The following STOX2 variants were observed in gnomAD, a reference collection of about 807,000 sequenced individuals.
STOX2 encodes the protein storkhead box 2.
A neutral mutation model predicts 60.9 loss-of-function variants in STOX2; 28 were observed. That is an observed-to-expected ratio of 0.46 (90% CI 0.34 to 0.63). STOX2 has a LOEUF of 0.63. Among genes scored for constraint, STOX2 ranks in the 30% least tolerant of loss-of-function variants. STOX2 has a pLI of 0.01. For missense variants in STOX2, 1,024 were observed against 1,187.7 expected, an observed-to-expected ratio of 0.86 and a Z score of 2.03; for synonymous variants, 472 against 463.9, an observed-to-expected ratio of 1.02 and a Z score of -0.22.
At position 183,806,901 on chromosome 4, in the gene STOX2, A is replaced by G. The variant is rs990538667; in HGVS notation, c.364+8846A>G. On this transcript the variant is annotated intron_variant, in intron 1 of 2. Transcript: ENST00000513034. This position sits in a 1 kb window ranked among gnomAD's most constrained non-coding sequence, Gnocchi z 4.1. Reference sequence around the variant, plus strand: ...AGACTCCCCCGCATGCACTGCCCCCACGGCCCCACAGCTCGAAGCCCCCAT... The same window carrying G: ...AGACTCCCCCGCATGCACTGCCCCCGCGGCCCCACAGCTCGAAGCCCCCAT... 3.3e-5 allele frequency among the ~76,000 whole-genome samples: 5 copies of G among 151,986 alleles called. No homozygotes were observed. The highest frequency in any genetic ancestry group is 1.2e-4 in the African/African-American group (5 of 41,378).
At chr4:183,851,420 GGAAAGGATGAGA>G (rs1740133320) in intron 1 of STOX2, among the ~76,000 whole-genome samples, 1 of 75,962 alleles carries the variant, frequency 1.3e-5, no homozygotes, top group Non-Finnish European at 2.6e-5. Flanking sequence ...AAAGGATGAG[GGAAAGGATGAGA>G]GAAAGGATGA....
chr4:183,853,165 G>T (rs190376022), intron 1 of STOX2, among the ~76,000 whole-genome samples: 226 of 152,298 alleles, frequency 1.5e-3, no homozygotes, highest in Admixed American at 3.6e-3. Flanking sequence ...TGGCATCTAA[G>T]TTGAAGGACT....
In STOX2 at chr4:183,905,447, G is replaced by A. The variant is rs989696294; in HGVS notation, c.-1344G>A. On this transcript the variant is annotated 5_prime_UTR_variant, in exon 1 of 4. It adds an upstream start codon to the 5' untranslated region. Transcript: ENST00000308497. ...ACTTGCATTGCGTCTTCCAGGCTGC[G>A]TGGACCCGGCGCCCCGGCGTGTGCG... 1.4e-4 allele frequency: 22 copies of A among 152,292 alleles called. No individual in the cohort carries two copies. Among genetic ancestry groups the A allele is most frequent in the Admixed American group, 2.6e-4 (4 of 15,288 alleles). 9.4% of individuals were successfully genotyped at this position (152,292 alleles called of 1,614,324 possible). A position where few individuals can be genotyped will look rare whatever the true frequency, so the allele number is the denominator to read the frequency against.
intron 1 of STOX2, among the ~76,000 whole-genome samples, chr4:183,995,840 C>G (rs6552726): frequency 0.56 from 85,031 of 151,910 alleles, 24,254 homozygotes; most frequent in African/African-American, 0.68. Context: ...CCGCAGCTCC[C>G]CAGTCTCAGC....
At chr4:183,908,824 T>A (rs1741698039) in intron 1 of STOX2, among the ~76,000 whole-genome samples, 4 of 152,072 alleles carry the variant, frequency 2.6e-5, no homozygotes, top group Admixed American at 2.0e-4. Context: ...GGTTTTCTGT[T>A]CAGATTCAAT....
At chr4:183,832,560 G>A (rs1396286946) in intron 1 of STOX2, among the ~76,000 whole-genome samples, 2 of 145,022 alleles carry the variant, frequency 1.4e-5, no homozygotes, top group African/African-American at 5.3e-5. Flanking sequence ...GCATGATCTC[G>A]GCTCACTGCA....
intron 1 of STOX2, among the ~76,000 whole-genome samples, chr4:183,953,215 A>AGATG (rs939627392): frequency 6.6e-6 from 1 of 152,178 alleles, no homozygotes; most frequent in Non-Finnish European, 1.5e-5. Flanking sequence ...GGTGTTTCCC[A>AGATG]GATGGATTTT....
At chr4:183,913,050 T>C (rs1051855858) in intron 1 of STOX2, among the ~76,000 whole-genome samples, 1 of 151,800 alleles carries the variant, frequency 6.6e-6, no homozygotes, top group African/African-American at 2.4e-5. Context: ...GAAACTGGAG[T>C]TCCGAGAACA....
At chr4:183,883,943 CTGGGT>C (rs1741016850) in intron 1 of STOX2, among the ~76,000 whole-genome samples, 1 of 151,900 alleles carries the variant, frequency 6.6e-6, no homozygotes, top group African/African-American at 2.4e-5. Flanking sequence ...CCTCCGCCTC[CTGGGT>C]TCAAGTGATT....
intron 1 of STOX2, among the ~76,000 whole-genome samples, chr4:183,961,641 G>A (rs569629985): frequency 2.0e-5 from 3 of 152,346 alleles, no homozygotes; most frequent in African/African-American, 7.2e-5. Context: ...ATCTTCCACA[G>A]TGGTGACGTC....
chr4:183,909,106 T>C (rs1342132262), intron 1 of STOX2, among the ~76,000 whole-genome samples: 1 of 152,114 alleles, frequency 6.6e-6, no homozygotes, highest in Non-Finnish European at 1.5e-5. Flanking sequence ...ACAATGAAGA[T>C]TGGGAGAGTA....
intron 1 of STOX2, among the ~76,000 whole-genome samples, chr4:183,802,332 G>T (rs1276026545): frequency 6.6e-6 from 1 of 152,174 alleles, no homozygotes; most frequent in African/African-American, 2.4e-5. Flanking sequence ...AAAAAGAGTT[G>T]CTTTCTTGAA....
Position 183,933,380 on chromosome 4 carries a change from A to AGTT in STOX2, c.166+26450_166+26452dup, listed in dbSNP as rs139425065. Among the ~76,000 whole-genome samples the AGTT allele has an allele frequency of 9.5e-3, 1,401 of 146,768 alleles. 22 individuals are homozygous for AGTT. The highest frequency in any genetic ancestry group is 0.028 in the African/African-American group (1,155 of 40,698). On this transcript the variant is annotated intron_variant, in intron 1 of 3. Coordinates refer to ENST00000308497, the MANE Select transcript of STOX2 (RefSeq NM_020225.3). The stretch of plus-strand genomic sequence containing the variant: ...AAAAAGCTATACAGTAAACCCCAGA[A>AGTT]GTTGTTGTTGTTGTTGTTGTTGTTG...
chr4:183,802,629 G>A (rs6818275), intron 1 of STOX2, among the ~76,000 whole-genome samples: 94,009 of 148,502 alleles, frequency 0.63, 30,033 homozygotes, highest in East Asian at 0.76. Flanking sequence ...TTTTTGAGGC[G>A]GAGTCTCGCT....
intron 1 of STOX2, among the ~76,000 whole-genome samples, chr4:183,981,663 C>T (rs1017635644): frequency 5.9e-5 from 9 of 152,236 alleles, no homozygotes; most frequent in South Asian, 4.1e-4. Flanking sequence ...CTTTTCCTTA[C>T]GTGTCTTCTT....
rs1308304845 is a variant in STOX2, at chr4:183,838,701, G to GCCTCCAGAGAGAGGCCCATCCCAA, written c.364+40646_364+40647insCCTCCAGAGAGAGGCCCATCCCAA. Among the ~76,000 whole-genome samples, 6 of 152,288 alleles carry GCCTCCAGAGAGAGGCCCATCCCAA rather than the reference G, an allele frequency of 3.9e-5. No individual in the cohort carries two copies. The East Asian group carries it at 9.6e-4, about 24-fold the overall frequency. On this transcript the variant is annotated intron_variant, in intron 1 of 2. Coordinates refer to the STOX2 transcript ENST00000513034. ...TCAAAACTGTGCTTCCCATTCCAGG[G>GCCTCCAGAGAGAGGCCCATCCCAA]GTTTTGGCCTCTCTCTGCAGCCCCC...
chr4:183,846,302 T>A (rs371745146), intron 1 of STOX2, among the ~76,000 whole-genome samples: 6 of 152,262 alleles, frequency 3.9e-5, no homozygotes, highest in African/African-American at 1.4e-4. Flanking sequence ...ATGCTTGGAG[T>A]TTGTTGAGTT....
chr4:183,852,128 GGAAACGATGAGGGAAAGGATGAGA>G (rs1740159191), intron 1 of STOX2, among the ~76,000 whole-genome samples: 39 of 68,572 alleles, frequency 5.7e-4, no homozygotes, highest in Non-Finnish European at 6.9e-4. Flanking sequence ...AAAGGATGAG[GGAAACGATGAGGGAAAGGATGAGA>G]GAAAGGATGA....
At chr4:183,881,501 A>C (rs1041779972) in intron 1 of STOX2, among the ~76,000 whole-genome samples, 6 of 152,304 alleles carry the variant, frequency 3.9e-5, no homozygotes, top group Non-Finnish European at 7.3e-5. Context: ...ACTCCTTCTG[A>C]AAAAAAGAAA....
Sources: gnomAD v4.1 joint callset for allele counts (sites outside exome capture counted in the v4.1 genomes callset) on GRCh38, gnomAD v4.1.1 for gene constraint, Gnocchi (gnomAD v3.1) non-coding constraint, MANE v1.5 for transcripts, NCBI Gene and HGNC (gene_info 2026-07-23, HGNC 2026-07-21) for gene names.